Variants in NRXN1 observed in about 807,000 individuals in gnomAD.
NRXN1 encodes neurexin-1.
Under a neutral mutation model 150.9 loss-of-function variants are expected in NRXN1, and 39 were observed. The ratio of observed to expected loss-of-function variants is 0.26; its 90% CI spans 0.20 to 0.34. NRXN1 has a LOEUF of 0.34. Ranked by LOEUF, NRXN1 falls within the 10% of genes least tolerant of loss-of-function variation. NRXN1 has a pLI of 1.00. For synonymous variants in NRXN1, 924 were observed against 757.0 expected, an observed-to-expected ratio of 1.22 and a Z score of -3.62; for missense variants, 1,815 against 1,949.9, an observed-to-expected ratio of 0.93 and a Z score of 1.30.
At chr2:50,332,152 G>A (rs990827498) in intron 17 of NRXN1, among the ~76,000 whole-genome samples, 89 of 152,260 alleles carry the variant, frequency 5.8e-4, no homozygotes, top group African/African-American at 2.0e-3. Flanking sequence ...GGCAATGGAA[G>A]GAATATTTAG....
intron 15 of NRXN1, among the ~76,000 whole-genome samples, chr2:50,478,745 A>G (rs1403070334): frequency 6.6e-6 from 1 of 152,138 alleles, no homozygotes; most frequent in Non-Finnish European, 1.5e-5. Context: ...ACTTTTTCTA[A>G]ACTTTCATGT....
intron 18 of NRXN1, among the ~76,000 whole-genome samples, chr2:50,199,534 TTA>T (rs2062010591): frequency 1.1e-5 from 1 of 93,522 alleles, no homozygotes; most frequent in African/African-American, 4.0e-5. Context: ...TCTCTCTTTC[TTA>T]TACACACACA....
chr2:51,028,452 C>T lies in NRXN1; in HGVS notation c.-179G>A. 2.2e-6 allele frequency: 1 copy of T among 459,538 alleles called. No individual in the cohort carries two copies. Among genetic ancestry groups the T allele is most frequent in the Non-Finnish European group, 3.8e-6 (1 of 263,946 alleles). 28.5% of individuals were successfully genotyped at this position (459,538 alleles called of 1,614,324 possible). A position where few individuals can be genotyped will look rare whatever the true frequency, so the allele number is the denominator to read the frequency against. Reference sequence around the variant, plus strand: ...TTTCTTCTTCTTCTTCCAATAACCCCGCCCTCTCTCCCTGTAGTCCTCTTC... The same window carrying T: ...TTTCTTCTTCTTCTTCCAATAACCCTGCCCTCTCTCCCTGTAGTCCTCTTC... On this transcript the variant is annotated 5_prime_UTR_variant, in exon 2 of 23. Transcript: ENST00000401669.
intron 15 of NRXN1, among the ~76,000 whole-genome samples, chr2:50,485,135 ATTG>A (rs2090771545): frequency 6.6e-6 from 1 of 152,160 alleles, no homozygotes; most frequent in Non-Finnish European, 1.5e-5. Context: ...CACTGATCTA[ATTG>A]TTGTGAGGAT....
At chr2:50,780,829 T>C (rs1303478525) in intron 5 of NRXN1, among the ~76,000 whole-genome samples, 6 of 152,212 alleles carry the variant, frequency 3.9e-5, no homozygotes, top group African/African-American at 7.2e-5. Flanking sequence ...GTGTGTTTTG[T>C]TCATCTTTGC....
At chr2:50,235,768 C>T (rs1321271434) in intron 18 of NRXN1, among the ~76,000 whole-genome samples, 3 of 151,796 alleles carry the variant, frequency 2.0e-5, no homozygotes, top group Non-Finnish European at 2.9e-5. Flanking sequence ...CTTCCATGGT[C>T]GCTTAATGCA....
intron 17 of NRXN1, among the ~76,000 whole-genome samples, chr2:50,254,637 T>A (rs1490602793): frequency 2.6e-5 from 4 of 152,078 alleles, no homozygotes; most frequent in Admixed American, 1.3e-4. Flanking sequence ...TCTCAATTTT[T>A]TAAGTGGTGG....
intron 18 of NRXN1, among the ~76,000 whole-genome samples, chr2:50,206,768 A>G (rs892618458): frequency 2.0e-5 from 3 of 151,282 alleles, no homozygotes; most frequent in African/African-American, 4.8e-5. Context: ...GCAAAGTTAT[A>G]TATAACATAT....
At chr2:51,029,684 T>C (rs1049208361) in intron 1 of NRXN1, among the ~76,000 whole-genome samples, 1 of 152,232 alleles carries the variant, frequency 6.6e-6, no homozygotes, top group Non-Finnish European at 1.5e-5. Context: ...TGCCATTTTA[T>C]TTTTCTTAGA....
chr2:50,773,335 A>T (rs1703233958), intron 5 of NRXN1, among the ~76,000 whole-genome samples: 1 of 152,164 alleles, frequency 6.6e-6, no homozygotes, highest in African/African-American at 2.4e-5. Flanking sequence ...ATAGCTTTTG[A>T]CATTTATTAT....
At chr2:50,256,931 T>C (rs1397657641) in intron 17 of NRXN1, among the ~76,000 whole-genome samples, 1 of 152,104 alleles carries the variant, frequency 6.6e-6, no homozygotes, top group Non-Finnish European at 1.5e-5. Flanking sequence ...CTAGGACGAC[T>C]GAAATGTGAC....
intron 18 of NRXN1, among the ~76,000 whole-genome samples, chr2:50,216,258 T>C (rs1000415105): frequency 6.6e-6 from 1 of 151,982 alleles, no homozygotes; most frequent in African/African-American, 2.4e-5. Context: ...TACTTCAGTG[T>C]CAAATGAGTT....
intron 17 of NRXN1, among the ~76,000 whole-genome samples, chr2:50,452,913 G>T (rs2087129369): frequency 6.6e-6 from 1 of 152,154 alleles, no homozygotes; most frequent in South Asian, 2.1e-4. Flanking sequence ...GGAAAATTTT[G>T]CCTTGAATAG....
intron 17 of NRXN1, among the ~76,000 whole-genome samples, chr2:50,399,813 A>ATTCTC: frequency 6.4e-5 from 2 of 31,160 alleles, no homozygotes; most frequent in African/African-American, 1.4e-4. Context: ...AAAAAAAAAA[A>ATTCTC]AAAAAAAAAA....
At chr2:50,185,963 T>C (rs1209689516) in intron 18 of NRXN1, among the ~76,000 whole-genome samples, 1 of 152,104 alleles carries the variant, frequency 6.6e-6, no homozygotes, top group Non-Finnish European at 1.5e-5. Flanking sequence ...TTTTTCTGTA[T>C]AGTTCCAAAT....
chr2:50,859,981 T>C (rs1038075560), intron 5 of NRXN1, among the ~76,000 whole-genome samples: 1 of 152,024 alleles, frequency 6.6e-6, no homozygotes, highest in African/African-American at 2.4e-5. Flanking sequence ...TATGGATAAA[T>C]ACCTATCTCT....
chr2:50,656,692 T>C (rs12613173), intron 5 of NRXN1, among the ~76,000 whole-genome samples: 9,170 of 150,940 alleles, frequency 0.061, 624 homozygotes, highest in East Asian at 0.21. Flanking sequence ...AGCCCTCATG[T>C]CCCCACCACT....
chr2:50,926,507 A>C (rs559701340), intron 2 of NRXN1, among the ~76,000 whole-genome samples: 1 of 152,026 alleles, frequency 6.6e-6, no homozygotes, highest in South Asian at 2.1e-4. Flanking sequence ...ATGGAACTAA[A>C]ATCTGCAATT....
intron 21 of NRXN1, among the ~76,000 whole-genome samples, chr2:49,956,144 A>C (rs1674898668): frequency 6.6e-6 from 1 of 152,142 alleles, no homozygotes; most frequent in Non-Finnish European, 1.5e-5. Context: ...ATATCTGGCC[A>C]ATCAGTCAGA....
Sources: gnomAD v4.1 joint callset for allele counts (sites outside exome capture counted in the v4.1 genomes callset) on GRCh38, gnomAD v4.1.1 for gene constraint, MANE v1.5 for transcripts, NCBI Gene and HGNC (gene_info 2026-07-23, HGNC 2026-07-21) for gene names.